Variants in FHIT observed in about 807,000 individuals in gnomAD.
The protein encoded by FHIT is bis(5'-adenosyl)-triphosphatase.
A neutral mutation model predicts 17.9 loss-of-function variants in FHIT; 19 were observed. That is an observed-to-expected ratio of 1.06 (90% CI 0.74 to 1.56). The LOEUF is 1.56. Among genes scored for constraint, FHIT ranks in the 40% most tolerant of loss-of-function variants. The probability of loss-of-function intolerance (pLI) is 0.00; values close to 1 mark genes in which losing one functional copy is unlikely to be tolerated. For missense variants in FHIT, 248 were observed against 189.2 expected (o/e 1.31, Z -1.82); for synonymous variants, 81 against 69.7 (o/e 1.16, Z -0.81).
intron 3 of FHIT, among the ~76,000 whole-genome samples, chr3:61,038,466 G>A (rs1351946836): frequency 1.3e-5 from 2 of 152,182 alleles, no homozygotes; most frequent in Non-Finnish European, 2.9e-5. Context: ...AGGAACATAT[G>A]TAATATAATG....
chr3:60,573,414 C>A (rs1228322147), intron 4 of FHIT, among the ~76,000 whole-genome samples: 2 of 152,166 alleles, frequency 1.3e-5, no homozygotes, highest in Non-Finnish European at 2.9e-5. Context: ...TCTTTCTCCT[C>A]TTGGATCTCC....
intron 3 of FHIT, among the ~76,000 whole-genome samples, chr3:61,010,043 G>A (rs1422454991): frequency 6.6e-6 from 1 of 152,118 alleles, no homozygotes; most frequent in Non-Finnish European, 1.5e-5. Context: ...GTGGCACCTT[G>A]AAACTAGAAA....
chr3:60,521,528 T>G lies in FHIT; in HGVS notation c.103+15332A>C, dbSNP rs574577119. Among the ~76,000 whole-genome samples the G allele has an allele frequency of 1.5e-3, 224 of 152,284 alleles. 1 individual carries two copies. Among genetic ancestry groups the G allele is most frequent in the African/African-American group, 4.9e-3 (203 of 41,572 alleles). On this transcript the variant is annotated intron_variant, in intron 5 of 9. Coordinates refer to ENST00000492590, the MANE Select transcript of FHIT (RefSeq NM_002012.4). ...TCCCAAAGTGCTGGGATTACAGGCATGAGCCACTGTGCCCGGCCAAAAGTT... is the reference window on the plus strand; with the variant it reads ...TCCCAAAGTGCTGGGATTACAGGCAGGAGCCACTGTGCCCGGCCAAAAGTT...
chr3:61,163,584 G>A (rs1214786387), intron 2 of FHIT, among the ~76,000 whole-genome samples: 1 of 152,148 alleles, frequency 6.6e-6, no homozygotes, highest in Non-Finnish European at 1.5e-5. Context: ...TTCCTCTAAA[G>A]TGGGTCATAG....
At chr3:61,232,598 A>T (rs2040134654) in intron 1 of FHIT, among the ~76,000 whole-genome samples, 1 of 152,168 alleles carries the variant, frequency 6.6e-6, no homozygotes, top group Non-Finnish European at 1.5e-5. Flanking sequence ...AAGAGGAGAA[A>T]CATACCTTTG....
chr3:61,250,977 A>C (rs1181831679), intron 1 of FHIT, among the ~76,000 whole-genome samples: 1 of 152,062 alleles, frequency 6.6e-6, no homozygotes, highest in Non-Finnish European at 1.5e-5. Context: ...CCATCCCAAA[A>C]CGGCGGGTGC....
chr3:59,760,966 A>G (rs9826481), intron 8 of FHIT, among the ~76,000 whole-genome samples: 19,931 of 152,020 alleles, frequency 0.13, 1,368 homozygotes, highest in South Asian at 0.24. Flanking sequence ...GGCATGCACC[A>G]CTGTGCTCGG....
chr3:60,962,551 A>G (rs1245490114), intron 3 of FHIT, among the ~76,000 whole-genome samples: 1 of 152,166 alleles, frequency 6.6e-6, no homozygotes, highest in East Asian at 1.9e-4. Context: ...ATTCAGTATG[A>G]TATTGGCTGT....
intron 3 of FHIT, among the ~76,000 whole-genome samples, chr3:60,841,757 G>A (rs1436676089): frequency 1.3e-5 from 2 of 151,952 alleles, no homozygotes; most frequent in Non-Finnish European, 2.9e-5. Flanking sequence ...AAGGATGCAG[G>A]GCTTTTAAGT....
chr3:61,100,744 T>C (rs1246586244), intron 2 of FHIT, among the ~76,000 whole-genome samples: 1 of 152,214 alleles, frequency 6.6e-6, no homozygotes, highest in Non-Finnish European at 1.5e-5. Flanking sequence ...TTTTTAATAA[T>C]TGCCATTCTA....
chr3:60,428,820 C>T (rs895818161), intron 5 of FHIT, among the ~76,000 whole-genome samples: 2 of 152,070 alleles, frequency 1.3e-5, no homozygotes, highest in African/African-American at 4.8e-5. Context: ...AATTTTCTTA[C>T]GGGAGAGAGG....
At chr3:60,580,426 G>GA (rs1553659356) in intron 4 of FHIT, among the ~76,000 whole-genome samples, 1 of 152,064 alleles carries the variant, frequency 6.6e-6, no homozygotes, top group African/African-American at 2.4e-5. Context: ...AAATTATGAT[G>GA]ATAGGAATTA....
At chr3:59,978,484 C>T (rs1390517027) in intron 7 of FHIT, among the ~76,000 whole-genome samples, 1 of 151,608 alleles carries the variant, frequency 6.6e-6, no homozygotes, top group Non-Finnish European at 1.5e-5. Flanking sequence ...TATTAAATGC[C>T]TTACTATAAA....
intron 2 of FHIT, among the ~76,000 whole-genome samples, chr3:61,192,638 A>G (rs2038749062): frequency 1.3e-5 from 2 of 152,298 alleles, no homozygotes; most frequent in African/African-American, 4.8e-5. Context: ...TCGGTGATAA[A>G]TCCATCTTCA....
At chr3:59,896,022 G>A (rs550829674) in intron 8 of FHIT, among the ~76,000 whole-genome samples, 217 of 152,254 alleles carry the variant, frequency 1.4e-3, no homozygotes, top group African/African-American at 3.2e-3. Flanking sequence ...AAGTCAACTC[G>A]TCAGAGAAAT....
intron 4 of FHIT, among the ~76,000 whole-genome samples, chr3:60,611,883 A>G (rs1553673739): frequency 6.6e-6 from 1 of 152,160 alleles, no homozygotes; most frequent in South Asian, 2.1e-4. Flanking sequence ...GTGTGTACAG[A>G]GCAGCTGGGA....
intron 5 of FHIT, among the ~76,000 whole-genome samples, chr3:60,144,154 C>A (rs1700143396): frequency 6.6e-6 from 1 of 152,208 alleles, no homozygotes; most frequent in Non-Finnish European, 1.5e-5. Flanking sequence ...CTCACATGAG[C>A]AAAGCTATCC....
chr3:60,411,242 C>A (rs1252472098), intron 5 of FHIT, among the ~76,000 whole-genome samples: 2 of 152,148 alleles, frequency 1.3e-5, no homozygotes, highest in African/African-American at 4.8e-5. Flanking sequence ...TGGGTCTCCC[C>A]AGTCTGTTCA....
At chr3:60,378,271 C>G (rs1395401713) in intron 5 of FHIT, among the ~76,000 whole-genome samples, 5 of 152,180 alleles carry the variant, frequency 3.3e-5, no homozygotes, top group Non-Finnish European at 7.3e-5. Context: ...GATCCGCCCG[C>G]CTCAGCCTCC....
Sources: gnomAD v4.1 joint callset for allele counts (sites outside exome capture counted in the v4.1 genomes callset) on GRCh38, gnomAD v4.1.1 for gene constraint, MANE v1.5 for transcripts, NCBI Gene and HGNC (gene_info 2026-07-23, HGNC 2026-07-21) for gene names.